The following FREM1 variants were observed in gnomAD, a reference collection of about 807,000 sequenced individuals.
The protein encoded by FREM1 is FRAS1-related extracellular matrix protein 1.
In FREM1, 220 loss-of-function variants were observed where a neutral mutation model predicts 210.1. The ratio of observed to expected loss-of-function variants is 1.05; its 90% CI spans 0.94 to 1.17. FREM1 has a LOEUF of 1.17. FREM1 is among the 50% of genes most tolerant of loss of function. The pLI is 0.00. For synonymous variants in FREM1, 1,189 were observed against 980.2 expected, an observed-to-expected ratio of 1.21 and a Z score of -3.98; for missense variants, 3,454 against 2,675.5, an observed-to-expected ratio of 1.29 and a Z score of -6.42.
intron 24 of FREM1, chr9:14,779,411 AG>A: frequency 1.3e-6 from 1 of 770,812 alleles, no homozygotes; most frequent in Non-Finnish European, 1.6e-6. Context: ...AGAAGGAAGA[AG>A]AAAGAAGGGG....
chr9:14,738,161 T>C (rs780423358), intron 36 of FREM1, among the ~76,000 whole-genome samples: 1 of 152,202 alleles, frequency 6.6e-6, no homozygotes, highest in Non-Finnish European at 1.5e-5. Flanking sequence ...TCGACTTGCC[T>C]CTCTACCTCC....
rs12235714 is a variant in FREM1 at position 14,823,223 on chromosome 9, G to T, written c.2274C>A (p.Gly758=). ...QFTFSVSNQH[G]GTLHGICFNI... ...TAAAGCAGATCCCATGCAAAGTACC[G>T]CCATGTTGGTTACTGACAGAAAATG... is the stretch of plus-strand genomic sequence containing the variant. Residue 758 remains glycine, a synonymous_variant, in exon 13 of 37, where the codon GGC becomes GGA. Coordinates refer to ENST00000380880, the MANE Select transcript of FREM1 (RefSeq NM_001379081.2). 2.3e-3 allele frequency: 3,736 copies of T among 1,613,760 alleles called. 75 individuals are homozygous for T. The East Asian group carries it at 0.047, about 20-fold the overall frequency.
intron 4 of FREM1, among the ~76,000 whole-genome samples, chr9:14,858,083 T>C (rs76983365): frequency 0.014 from 2,111 of 152,298 alleles, 43 homozygotes; most frequent in African/African-American, 0.048. Flanking sequence ...CTCCAGTCTT[T>C]CCTTTACAGA....
chr9:14,759,772 C>T lies in FREM1; in HGVS notation c.5334G>A (p.Lys1778=). Reference sequence around the variant, plus strand: ...ATAATTTACATTTCAGAGTCATTACCTTTATACCCACAAAGGCCGAGTCCA... The same window carrying T: ...ATAATTTACATTTCAGAGTCATTACTTTTATACCCACAAAGGCCGAGTCCA... The part of the protein sequence containing the change: ...YSMDSAFVGI[K]VNQVSAAVGK... Residue 1778 remains lysine, a splice_region_variant and synonymous_variant, in exon 28 of 37, where the codon AAG becomes AAA. Coordinates refer to ENST00000380880, the MANE Select transcript of FREM1 (RefSeq NM_001379081.2). 5.0e-6 allele frequency: 8 copies of T among 1,604,992 alleles called. No homozygotes were observed. Among genetic ancestry groups the T allele is most frequent in the African/African-American group, 1.3e-5 (1 of 74,794 alleles).
At chr9:14,901,240 T>C (rs913488967) in intron 1 of FREM1, among the ~76,000 whole-genome samples, 2 of 152,110 alleles carry the variant, frequency 1.3e-5, no homozygotes, top group Non-Finnish European at 2.9e-5. Flanking sequence ...TAGAAGGAGA[T>C]TTGGGGCTAT....
At chr9:14,790,843 G>T (rs2291681) in intron 22 of FREM1, 69,197 of 151,856 alleles carry the variant, frequency 0.46, 16,162 homozygotes, top group East Asian at 0.69. Flanking sequence ...ATCCAAAACA[G>T]TTCCGTTCCC....
chr9:14,809,111 T>C (rs893791121), intron 16 of FREM1, among the ~76,000 whole-genome samples: 12 of 152,174 alleles, frequency 7.9e-5, no homozygotes, highest in African/African-American at 2.9e-4. Context: ...TTTCTCATGA[T>C]AGTGAATGAG....
intron 29 of FREM1, among the ~76,000 whole-genome samples, chr9:14,751,526 G>A (rs1843387660): frequency 6.6e-6 from 1 of 152,106 alleles, no homozygotes; most frequent in Non-Finnish European, 1.5e-5. Flanking sequence ...TGGGCGTGGT[G>A]GCACGTGCCT....
At position 14,891,191 on chromosome 9, in the gene FREM1, G is replaced by A. The variant is rs77801859; in HGVS notation, c.-268+18723C>T. Among the ~76,000 whole-genome samples the A allele has an allele frequency of 5.1e-3, 782 of 152,242 alleles. 6 individuals are homozygous for A. Among genetic ancestry groups the A allele is most frequent in the African/African-American group, 0.017 (724 of 41,530 alleles). ...TAAAAGTGAGATTCTGTTTAAATTC[G>A]TATTAAATCATGTCCAGGAATTCAT... On this transcript the variant is annotated intron_variant, in intron 1 of 36. Transcript: ENST00000380880.
intron 10 of FREM1, among the ~76,000 whole-genome samples, chr9:14,838,417 G>C (rs1825020026): frequency 6.6e-6 from 1 of 151,962 alleles, no homozygotes; most frequent in Admixed American, 6.6e-5. Context: ...AAACAGACCA[G>C]GTAATCATTT....
At chr9:14,803,747 T>A (rs923936057) in intron 19 of FREM1, among the ~76,000 whole-genome samples, 1 of 152,080 alleles carries the variant, frequency 6.6e-6, no homozygotes, top group Non-Finnish European at 1.5e-5. Flanking sequence ...TGAACATGTG[T>A]TAACAAAAAA....
chr9:14,789,378 G>C (rs1196818486), intron 22 of FREM1, among the ~76,000 whole-genome samples: 1 of 152,112 alleles, frequency 6.6e-6, no homozygotes. Context: ...TTACTTCCAA[G>C]GTGTTCCTCA....
intron 22 of FREM1, among the ~76,000 whole-genome samples, chr9:14,790,427 C>G (rs999518895): frequency 1.3e-5 from 2 of 152,092 alleles, no homozygotes; most frequent in Non-Finnish European, 2.9e-5. Flanking sequence ...TCCATAAGAC[C>G]TATTTGCCAA....
At position 14,805,138 on chromosome 9, in the gene FREM1, T is replaced by C. The variant is rs777206342; in HGVS notation, c.3289A>G (p.Lys1097Glu). 1.3e-6 allele frequency: 2 copies of C among 1,566,102 alleles called. No homozygotes were observed. The highest frequency in any genetic ancestry group is 1.7e-6 in the Non-Finnish European group (2 of 1,154,750). Residue 1097 changes from lysine to glutamate, a missense_variant, in exon 19 of 37, where the codon AAA (lysine) becomes GAA (glutamate). By Grantham distance (56) the Lys-to-Glu change is moderately conservative (BLOSUM62 1). Transcript: ENST00000380880. ...IGISIDSFQW[K>E]DMNAFHINYV... is the part of the protein sequence containing the mutation. ...TTAATGTGAAAAGCGTTCATGTCTT[T>C]CCACTGAAATGAATCTAGAGCACAC...
intron 1 of FREM1, among the ~76,000 whole-genome samples, chr9:14,872,639 T>C (rs1055210223): frequency 4.6e-5 from 7 of 151,516 alleles, no homozygotes; most frequent in Non-Finnish European, 8.9e-5. Flanking sequence ...CTTCCTCTTT[T>C]CCTAATTGAA....
intron 30 of FREM1, 34 bp from the exon 31 acceptor site, chr9:14,748,673 A>G: frequency 7.3e-7 from 1 of 1,361,912 alleles, no homozygotes; most frequent in South Asian, 1.3e-5. Context: ...CGGTCAGTTC[A>G]TTTTACACAA....
At chr9:14,861,668 A>G (rs1830622246) in intron 3 of FREM1, among the ~76,000 whole-genome samples, 1 of 151,524 alleles carries the variant, frequency 6.6e-6, no homozygotes. Context: ...CACCACTCCC[A>G]GCTAATTTTT....
At chr9:14,838,796 G>A (rs1010614230) in intron 10 of FREM1, among the ~76,000 whole-genome samples, 7 of 152,146 alleles carry the variant, frequency 4.6e-5, no homozygotes, top group Non-Finnish European at 5.9e-5. Context: ...TCCAATAAAA[G>A]AAATAGTGGT....
At chr9:14,810,139 C>A (rs534096345) in intron 16 of FREM1, among the ~76,000 whole-genome samples, 1 of 151,750 alleles carries the variant, frequency 6.6e-6, no homozygotes, top group African/African-American at 2.4e-5. Context: ...TAAGAGTTTG[C>A]CAAGCAGATA....
Sources: gnomAD v4.1 joint callset for allele counts (sites outside exome capture counted in the v4.1 genomes callset) on GRCh38, gnomAD v4.1.1 for gene constraint, MANE v1.5 for transcripts, NCBI Gene and HGNC (gene_info 2026-07-23, HGNC 2026-07-21) for gene names.